The following HES7 variants were observed in gnomAD, a reference collection of about 807,000 sequenced individuals.
The protein encoded by HES7 is transcription factor HES-7.
HES7 carries 8 observed loss-of-function variants against 18.0 expected under a neutral mutation model. That is an observed-to-expected ratio of 0.45 (90% confidence interval 0.26 to 0.80). HES7 has a LOEUF of 0.80. Ranked by LOEUF, HES7 falls within the 30% of genes least tolerant of loss-of-function variation. The pLI, the probability that HES7 is intolerant of heterozygous loss-of-function variation, is 0.18. For synonymous variants in HES7, 170 were observed against 158.6 expected, an observed-to-expected ratio of 1.07 and a Z score of -0.54; for missense variants, 356 against 340.9, an observed-to-expected ratio of 1.04 and a Z score of -0.35.
chr17:8,123,245 T>A lies in HES7; in HGVS notation c.43-119A>T. 1.3e-6 allele frequency: 1 copy of A among 766,696 alleles called. No individual in the cohort carries two copies. The highest frequency in any genetic ancestry group is 2.2e-6 in the Non-Finnish European group (1 of 445,280). 47.5% of individuals were successfully genotyped at this position (766,696 alleles called of 1,614,324 possible). A position where few individuals can be genotyped will look rare whatever the true frequency, so the allele number is the denominator to read the frequency against. ...TCCACCCCGGCCACAAGACCCCAGA[T>A]TGCCTAGGGCCGGCCCCATTCGATC... On this transcript the variant is annotated intron_variant, in intron 1 of 3. Transcript: ENST00000541682. The surrounding 1 kb of genome is among the most constrained non-coding windows in gnomAD (Gnocchi z 5.9).
chr17:8,122,123 C>A lies in HES7; in HGVS notation c.227-86G>T. 5.7e-6 allele frequency: 7 copies of A among 1,229,076 alleles called. No individual in the cohort carries two copies. Among genetic ancestry groups the A allele is most frequent in the Non-Finnish European group, 7.7e-6 (7 of 907,860 alleles). 76.1% of individuals were successfully genotyped at this position (1,229,076 alleles called of 1,614,324 possible). On this transcript the variant is annotated intron_variant, in intron 3 of 3. Coordinates refer to ENST00000541682, the MANE Select transcript of HES7 (RefSeq NM_001165967.2). The surrounding 1 kb of genome is among the most constrained non-coding windows in gnomAD (Gnocchi z 6.9). ...GGGCGGGGCGCAGAGATACCAAGGC[C>A]GGACAGGCGCACAGAGACAGGAAGC... is the stretch of plus-strand genomic sequence containing the variant.
At position 8,122,387 on chromosome 17, in the gene HES7, A is replaced by C; in HGVS notation, c.182T>G (p.Phe61Cys). Residue 61 changes from phenylalanine (F) to cysteine (C), a missense_variant, in exon 3 of 4, where the codon TTC becomes TGC. Physicochemically the swap from Phe to Cys is radical, Grantham distance 205. Transcript: ENST00000541682. The surrounding 1 kb of genome is among the most constrained non-coding windows in gnomAD (Gnocchi z 6.9). ...PKLEKAEILE[F>C]AVGYLRERSR... ...TCGCTCCCTCAAGTAGCCCACGGCG[A>C]ACTCCAATATCTCCGCTTTCTCCAG... 6.3e-7 allele frequency: 1 copy of C among 1,598,710 alleles called. No homozygotes were observed. The highest frequency in any genetic ancestry group is 8.5e-7 in the Non-Finnish European group (1 of 1,173,034).
In HES7 at chr17:8,122,954, G is replaced by T; in HGVS notation, c.138+77C>A. 1 of 1,209,832 alleles carries T rather than the reference G, an allele frequency of 8.3e-7. No individual in the cohort carries two copies. Among genetic ancestry groups the T allele is most frequent in the Non-Finnish European group, 1.2e-6 (1 of 835,346 alleles). The allele number at this position is 1,209,832 out of a possible 1,614,324, so 74.9% of individuals were successfully genotyped here. ...GGGGCCAGGGTTGCCAACCAAGCTT[G>T]TGTCCCCACCCCAGTGGGAAGCCCT... On this transcript the variant is annotated intron_variant, in intron 2 of 3. Coordinates refer to ENST00000541682, the MANE Select transcript of HES7 (RefSeq NM_001165967.2). The surrounding 1 kb of genome is among the most constrained non-coding windows in gnomAD (Gnocchi z 6.9).
In HES7 at chr17:8,123,031, C is replaced by T. The variant is rs1198818544; in HGVS notation, c.138G>A (p.Gln46=). ...ACCTAGGGCTAGCGGAGGGACTGACCTGGTCCCGGGTCCGCTCCAGCAGCA... is the reference window on the plus strand; with the variant it reads ...ACCTAGGGCTAGCGGAGGGACTGACTTGGTCCCGGGTCCGCTCCAGCAGCA... ...RLLLLERTRD[Q]NLRNPKLEKA... is the part of the protein sequence containing the mutation. The change falls in exon 2 of 4, where the codon CAG becomes CAA. Residue 46 remains glutamine (Q), a splice_region_variant and synonymous_variant. Coordinates refer to ENST00000541682, the MANE Select transcript of HES7 (RefSeq NM_001165967.2). The surrounding 1 kb of genome is among the most constrained non-coding windows in gnomAD (Gnocchi z 5.9). 6.3e-7 allele frequency: 1 copy of T among 1,595,188 alleles called. No individual in the cohort carries two copies. The highest frequency in any genetic ancestry group is 1.7e-5 in the Admixed American group (1 of 57,678).
rs1441879747 is a variant in HES7, at chr17:8,121,892, G to GAAGAGCTGGGCGCGGGC, written c.355_371dup (p.Phe124LeufsTer24). 6.4e-7 allele frequency: 1 copy of GAAGAGCTGGGCGCGGGC among 1,571,260 alleles called. No individual in the cohort carries two copies. Among genetic ancestry groups the GAAGAGCTGGGCGCGGGC allele is most frequent in the East Asian group, 2.4e-5 (1 of 41,998 alleles). On this transcript the variant is annotated frameshift_variant, in exon 4 of 4. Coordinates refer to ENST00000541682, the MANE Select transcript of HES7 (RefSeq NM_001165967.2). LOFTEE classifies it high-confidence loss of function. ...GGCGCAGATAGCCGTGCAGCGCGGA[G>GAAGAGCTGGGCGCGGGC]AAGAGCTGGGCGCGGGCGGCCGGGC...
Position 8,122,751 on chromosome 17 carries a change from G to A in HES7, c.138+280C>T, listed in dbSNP as rs1981424800. Among the ~76,000 whole-genome samples, 7 of 152,210 alleles carry A rather than the reference G, an allele frequency of 4.6e-5. No homozygotes were observed. The highest frequency in any genetic ancestry group is 4.6e-4 in the Admixed American group (7 of 15,278). On this transcript the variant is annotated intron_variant, in intron 2 of 3. Transcript: ENST00000541682. The surrounding 1 kb of genome is among the most constrained non-coding windows in gnomAD (Gnocchi z 6.9). Reference sequence around the variant, plus strand: ...GGCTCATCAGAGGCTGGCTGTGGGGGAGGGGGAACCGGACACTTAGAGACC... The same window carrying A: ...GGCTCATCAGAGGCTGGCTGTGGGGAAGGGGGAACCGGACACTTAGAGACC...
At chr17:8,126,223 C>T (rs985680455), upstream of HES7, among the ~76,000 whole-genome samples, 1 of 152,242 alleles carries the variant, frequency 6.6e-6, no homozygotes, top group African/African-American at 2.4e-5. Flanking sequence ...TGGGTCTATG[C>T]CTTTTTTGTC....
upstream of HES7, among the ~76,000 whole-genome samples, chr17:8,126,128 C>T (rs1981601068): frequency 6.6e-6 from 1 of 151,970 alleles, no homozygotes; most frequent in South Asian, 2.1e-4. Context: ...TCCCCGCCCC[C>T]CACTCTACAT....
At chr17:8,126,038 G>C (rs1317399047), upstream of HES7, among the ~76,000 whole-genome samples, 1 of 130,288 alleles carries the variant, frequency 7.7e-6, no homozygotes, top group Non-Finnish European at 1.7e-5. Context: ...CTCCGTCCCC[G>C]GCCCGCACCT....
chr17:8,124,219 G>A, upstream of HES7: 4 of 1,029,796 alleles, frequency 3.9e-6, no homozygotes, highest in Non-Finnish European at 4.4e-6. Flanking sequence ...GACCCGGCAC[G>A]AGGCTCCCGG....
Position 8,124,033 on chromosome 17 carries a change from C to T in HES7, c.42+10G>A. 6.2e-7 allele frequency: 1 copy of T among 1,614,004 alleles called. No individual in the cohort carries two copies. The highest frequency in any genetic ancestry group is 8.5e-7 in the Non-Finnish European group (1 of 1,180,012). On this transcript the variant is annotated intron_variant, in intron 1 of 3. Coordinates refer to ENST00000541682, the MANE Select transcript of HES7 (RefSeq NM_001165967.2). The stretch of plus-strand genomic sequence containing the variant: ...CAGGGACCTCTGCTCCCTCCCCTCC[C>T]GCCTCTCACCTTGGGGCCGTCCCTA...
upstream of HES7, among the ~76,000 whole-genome samples, chr17:8,126,175 C>A (rs1981602465): frequency 6.6e-6 from 1 of 152,232 alleles, no homozygotes; most frequent in Admixed American, 6.5e-5. Context: ...CTGTTATTTT[C>A]CGTTCTCTCT....
chr17:8,122,342 C>G lies in HES7; in HGVS notation c.226+1G>C. On this transcript the variant is annotated splice_donor_variant, in intron 3 of 3. Transcript: ENST00000541682. LOFTEE classifies it high-confidence loss of function. This position sits in a 1 kb window ranked among gnomAD's most constrained non-coding sequence, Gnocchi z 6.9. The stretch of plus-strand genomic sequence containing the variant: ...TCCGCTGCCCCACCCCCGCGCTGTA[C>G]CCGGGGGCTCCACCCGGCTTCGCTC... 6.4e-7 allele frequency: 1 copy of G among 1,570,188 alleles called. No homozygotes were observed. The highest frequency in any genetic ancestry group is 1.2e-5 in the South Asian group (1 of 86,622).
At chr17:8,124,632 A>G (rs1029247406), upstream of HES7, among the ~76,000 whole-genome samples, 3 of 152,138 alleles carry the variant, frequency 2.0e-5, no homozygotes, top group Non-Finnish European at 4.4e-5. Context: ...AGCCAGTTAC[A>G]TTCAAGTCCG....
At position 8,121,159 on chromosome 17, in the gene HES7, G is replaced by A. The variant is rs1981297141; in HGVS notation, c.*412C>T. 1 of 169,890 alleles carries A rather than the reference G, an allele frequency of 5.9e-6. No homozygotes were observed. Among genetic ancestry groups the A allele is most frequent in the East Asian group, 1.6e-4 (1 of 6,446 alleles). The allele number at this position is 169,890 out of a possible 1,614,324, so 10.5% of individuals were successfully genotyped here. On this transcript the variant is annotated 3_prime_UTR_variant, in exon 4 of 4. Transcript: ENST00000541682. ...TCTTCTTTACTTACCTGTCTGCCCCGGGGCTTGGGCCATGGAGAGCAGGAC... is the reference window on the plus strand; with the variant it reads ...TCTTCTTTACTTACCTGTCTGCCCCAGGGCTTGGGCCATGGAGAGCAGGAC...
rs1400549924 is a variant in HES7, at chr17:8,122,032, C to T, written c.232G>A (p.Ala78Thr). 6.6e-7 allele frequency: 1 copy of T among 1,506,246 alleles called. No homozygotes were observed. Among genetic ancestry groups the T allele is most frequent in the Non-Finnish European group, 8.8e-7 (1 of 1,136,238 alleles). 93.3% of individuals were successfully genotyped at this position (1,506,246 alleles called of 1,614,324 possible). The change falls in exon 4 of 4, where the codon GCG becomes ACG. Residue 78 changes from alanine to threonine, a missense_variant. Physicochemically the swap from Ala to Thr is moderately conservative, Grantham distance 58 (BLOSUM62 0). Coordinates refer to ENST00000541682, the MANE Select transcript of HES7 (RefSeq NM_001165967.2). The surrounding 1 kb of genome is among the most constrained non-coding windows in gnomAD (Gnocchi z 6.9). ...ERSRVEPPAA[A>T]APGVPRSPVQ... is the part of the protein sequence containing the mutation. ...GGGGACCGGGGAACCCCTGGAGCCG[C>T]GGCGGCTGGTGCGGCCGGCGGGAGC...
At chr17:8,125,468 G>GC (rs1370220896), upstream of HES7, among the ~76,000 whole-genome samples, 1 of 152,126 alleles carries the variant, frequency 6.6e-6, no homozygotes, top group Non-Finnish European at 1.5e-5. Context: ...AGCCCCCGCC[G>GC]CCCCCCTCCT....
chr17:8,125,019 T>C (rs537134476), upstream of HES7, among the ~76,000 whole-genome samples: 28 of 152,010 alleles, frequency 1.8e-4, 1 homozygote, highest in South Asian at 5.6e-3. Context: ...CTGGTGACTG[T>C]AGGGTAGCAG....
At position 8,122,755 on chromosome 17, in the gene HES7, G is replaced by A. The variant is rs1461270395; in HGVS notation, c.138+276C>T. Reference sequence around the variant, plus strand: ...CATCAGAGGCTGGCTGTGGGGGAGGGGGAACCGGACACTTAGAGACCCAAA... The same window carrying A: ...CATCAGAGGCTGGCTGTGGGGGAGGAGGAACCGGACACTTAGAGACCCAAA... On this transcript the variant is annotated intron_variant, in intron 2 of 3. Transcript: ENST00000541682. The surrounding 1 kb of genome is among the most constrained non-coding windows in gnomAD (Gnocchi z 6.9). Among the ~76,000 whole-genome samples, 3 of 152,154 alleles carry A rather than the reference G, an allele frequency of 2.0e-5. No homozygotes were observed. Among genetic ancestry groups the A allele is most frequent in the Non-Finnish European group, 2.9e-5 (2 of 68,024 alleles).
Sources: allele counts gnomAD v4.1 joint callset (sites outside exome capture counted in the v4.1 genomes callset), GRCh38; gene constraint gnomAD v4.1.1; non-coding constraint Gnocchi (gnomAD v3.1); transcripts MANE v1.5; gene names NCBI Gene and HGNC (gene_info 2026-07-23, HGNC 2026-07-21).